Variants in ZNF345 observed in about 807,000 individuals in gnomAD.
ZNF345 encodes the protein zinc finger protein HZF10.
For missense variants in ZNF345, 527 were observed against 589.9 expected (o/e 0.89, Z 1.10); for synonymous variants, 166 against 187.9 (o/e 0.88, Z 0.95).
downstream of ZNF345, among the ~76,000 whole-genome samples, chr19:36,882,201 GTC>G (rs1470968150): frequency 6.6e-6 from 1 of 151,836 alleles, no homozygotes; most frequent in African/African-American, 2.4e-5. Flanking sequence ...TATATTTTCA[GTC>G]TCTTTTAAAT....
At chr19:36,889,289 T>C (rs1455772024) in intron 3 of ZNF345, 1 of 152,184 alleles carries the variant, frequency 6.6e-6, no homozygotes, top group African/African-American at 2.4e-5. Context: ...GGCTTCAGTA[T>C]CAGGATGATA....
chr19:36,859,997 G>A (rs145978437), intron 2 of ZNF345, among the ~76,000 whole-genome samples: 3 of 151,806 alleles, frequency 2.0e-5, no homozygotes, highest in African/African-American at 2.4e-5. Flanking sequence ...TCGCTGGGTC[G>A]CCCAGGCTGG....
At chr19:36,850,551 T>C, upstream of ZNF345, 1 of 152,274 alleles carries the variant, frequency 6.6e-6, no homozygotes, top group East Asian at 1.9e-4. Context: ...GTTACTAAAC[T>C]GGCTTAGCTG....
intron 3 of ZNF345, chr19:36,890,199 A>G (rs940878295): frequency 6.6e-6 from 1 of 152,100 alleles, no homozygotes; most frequent in African/African-American, 2.4e-5. Flanking sequence ...CCTATTTTTG[A>G]GAATGTTCCA....
At chr19:36,853,593 A>G (rs113358397) in intron 2 of ZNF345, among the ~76,000 whole-genome samples, 23 of 152,214 alleles carry the variant, frequency 1.5e-4, no homozygotes, top group Non-Finnish European at 2.8e-4. Context: ...CACCACCTGG[A>G]ATTTTTATAG....
intron 3 of ZNF345, chr19:36,892,394 C>A (rs1404588523): frequency 6.2e-7 from 1 of 1,612,376 alleles, no homozygotes; most frequent in African/African-American, 1.3e-5. Flanking sequence ...GTAGACATGT[C>A]TTCACGGGTA....
Position 36,864,886 on chromosome 19 carries a change from C to T in ZNF345, c.-46-11899C>T, listed in dbSNP as rs142394483. Among the ~76,000 whole-genome samples, 87 of 152,224 alleles carry T rather than the reference C, an allele frequency of 5.7e-4. No homozygotes were observed. In the East Asian group the frequency reaches 0.014, roughly 24 times the overall value. ...AGTGCCTCACTTGCCTTAGCCATGT[C>T]CTGTTCCTGCTGTGGAACTTGCTGG... On this transcript the variant is annotated intron_variant, in intron 2 of 2. Coordinates refer to ENST00000420450, the MANE Select transcript of ZNF345 (RefSeq NM_001242472.2).
intron 2 of ZNF345, among the ~76,000 whole-genome samples, chr19:36,858,994 A>G (rs1428236604): frequency 1.3e-5 from 2 of 152,074 alleles, no homozygotes; most frequent in African/African-American, 4.8e-5. Flanking sequence ...AATTTATTGT[A>G]TGAAAATACA....
At chr19:36,853,854 A>G (rs935229408) in intron 2 of ZNF345, among the ~76,000 whole-genome samples, 1 of 152,150 alleles carries the variant, frequency 6.6e-6, no homozygotes. Context: ...CTTTTTCCTC[A>G]AGAGTGTCTT....
chr19:36,891,959 T>G, intron 3 of ZNF345: 1 of 1,613,780 alleles, frequency 6.2e-7, no homozygotes, highest in South Asian at 1.1e-5. Flanking sequence ...GAACTTTTAG[T>G]AAAGGCTTTT....
At chr19:36,890,846 ACT>A (rs1195113237) in intron 3 of ZNF345, 1 of 152,132 alleles carries the variant, frequency 6.6e-6, no homozygotes, top group African/African-American at 2.4e-5. Context: ...ACAGAGCGAG[ACT>A]CTGTCTCAAA....
chr19:36,893,154 G>A (rs188940799), downstream of ZNF345: 28 of 394,836 alleles, frequency 7.1e-5, no homozygotes, highest in Middle Eastern at 1.9e-3. Context: ...GGAGTTCAGT[G>A]ACTGTGCAAT....
chr19:36,884,812 G>C (rs1329141720), intron 3 of ZNF345, among the ~76,000 whole-genome samples: 3 of 152,098 alleles, frequency 2.0e-5, no homozygotes, highest in Admixed American at 6.6e-5. Flanking sequence ...CCCCCAGTGG[G>C]CCTCCCAGTA....
rs1217576295 is a variant in ZNF345, at chr19:36,877,085, TG to T, written c.257del (p.Gly86ValfsTer120). The T allele has an allele frequency of 6.2e-7, 1 of 1,614,154 alleles. No individual in the cohort carries two copies. The highest frequency in any genetic ancestry group is 1.3e-5 in the African/African-American group (1 of 75,052). ...VLVRHQRIHT[G>X]EKPYECKECG... ...TTGTTCGACATCAGCGAATTCATAC[TG>T]GTGAGAAACCTTATGAATGCAAAGA... On this transcript the variant is annotated frameshift_variant, in exon 3 of 3. Transcript: ENST00000420450. LOFTEE classifies it low-confidence loss of function (END_TRUNC).
chr19:36,868,567 C>T (rs1246154878), intron 2 of ZNF345, among the ~76,000 whole-genome samples: 2 of 151,580 alleles, frequency 1.3e-5, no homozygotes, highest in Admixed American at 6.6e-5. Flanking sequence ...ATTTTCAATA[C>T]ACATTACAGT....
intron 2 of ZNF345, among the ~76,000 whole-genome samples, chr19:36,852,128 CTTTTTTT>C (rs35747733): frequency 7.8e-5 from 8 of 102,704 alleles, no homozygotes; most frequent in Non-Finnish European, 1.1e-4. Flanking sequence ...TTCTTTCTTT[CTTTTTTT>C]TTTTTTTTTT....
At chr19:36,862,796 C>T (rs2146153924) in intron 2 of ZNF345, 1 of 151,664 alleles carries the variant, frequency 6.6e-6, no homozygotes, top group South Asian at 2.1e-4. Context: ...AAATTCATAT[C>T]TTGAAAGCCT....
At chr19:36,883,043 T>C (rs776320160), downstream of ZNF345, among the ~76,000 whole-genome samples, 2 of 152,214 alleles carry the variant, frequency 1.3e-5, no homozygotes, top group Non-Finnish European at 2.9e-5. Flanking sequence ...TTCTCTAATA[T>C]TGAAAATTCT....
chr19:36,880,810 A>G (rs1420134435), downstream of ZNF345, among the ~76,000 whole-genome samples: 1 of 152,184 alleles, frequency 6.6e-6, no homozygotes, highest in African/African-American at 2.4e-5. Context: ...CTAAAATCAA[A>G]TACATTATTT....
Sources: allele counts gnomAD v4.1 joint callset (sites outside exome capture counted in the v4.1 genomes callset), GRCh38; gene constraint gnomAD v4.1.1; transcripts MANE v1.5; gene names NCBI Gene and HGNC (gene_info 2026-07-23, HGNC 2026-07-21).